SYCE2: variants seen among roughly 807,000 people sequenced by gnomAD.
The protein encoded by SYCE2 is synaptonemal complex central element protein 2, also known as central element synaptonemal complex 1.
SYCE2 carries 3 observed loss-of-function variants against 27.9 expected under a neutral mutation model. The ratio of observed to expected loss-of-function variants is 0.11; its 90% CI spans 0.05 to 0.28. The LOEUF (loss-of-function observed/expected upper bound fraction) is 0.28, where lower values mean the gene tolerates loss of function less well. Ranked by LOEUF, SYCE2 falls within the 10% of genes least tolerant of loss-of-function variation. The probability of loss-of-function intolerance (pLI) is 1.00; values close to 1 mark genes in which losing one functional copy is unlikely to be tolerated. For missense variants in SYCE2, 207 were observed against 263.5 expected (o/e 0.79, Z 1.48); for synonymous variants, 85 against 100.7 (o/e 0.84, Z 0.93).
chr19:12,918,476 T>C, intron 1 of SYCE2, 139 bp from the exon 2 acceptor site: 1 of 737,426 alleles, frequency 1.4e-6, no homozygotes, highest in Non-Finnish European at 2.3e-6. Context: ...CGGGCAGGGC[T>C]GGGGCAGGTG....
chr19:12,910,966 C>T (rs1026018034), intron 2 of SYCE2, among the ~76,000 whole-genome samples: 1 of 151,898 alleles, frequency 6.6e-6, no homozygotes, highest in Admixed American at 6.6e-5. Flanking sequence ...CGTGAGCCAC[C>T]GCACCCGGCC....
intron 2 of SYCE2, among the ~76,000 whole-genome samples, chr19:12,909,806 TC>T (rs1371986313): frequency 2.6e-5 from 4 of 152,048 alleles, no homozygotes; most frequent in Admixed American, 1.3e-4. Flanking sequence ...CCTCAGGTGA[TC>T]CGCCCTCCTC....
At position 12,900,204 on chromosome 19, in the gene SYCE2, C is replaced by G. The variant is rs557289830; in HGVS notation, c.496-84G>C. The G allele has an allele frequency of 8.2e-5, 122 of 1,486,346 alleles. No homozygotes were observed. In the Admixed American group the frequency reaches 1.4e-3, roughly 17 times the overall value. 92.1% of individuals were successfully genotyped at this position (1,486,346 alleles called of 1,614,324 possible). On this transcript the variant is annotated intron_variant, in intron 4 of 5. Transcript: ENST00000293695. ...GGATGATTTCTGAGTGGCAGGGGTG[C>G]AAGGGACTTTGTCCTTTCTGTCACC...
intron 2 of SYCE2, among the ~76,000 whole-genome samples, chr19:12,915,269 C>T (rs755516281): frequency 6.6e-6 from 1 of 152,112 alleles, no homozygotes; most frequent in Non-Finnish European, 1.5e-5. Flanking sequence ...GAATGGTTGT[C>T]CAGCTCTGAA....
At chr19:12,899,602 C>A in intron 5 of SYCE2, 1 of 1,613,468 alleles carries the variant, frequency 6.2e-7, no homozygotes. Flanking sequence ...CTGGCTGGAC[C>A]GTAGGAGCGC....
At chr19:12,913,747 G>T (rs1971086429) in intron 2 of SYCE2, among the ~76,000 whole-genome samples, 1 of 152,172 alleles carries the variant, frequency 6.6e-6, no homozygotes, top group Admixed American at 6.6e-5. Flanking sequence ...ATTTGCAGCG[G>T]TCTGTGTCTC....
intron 2 of SYCE2, among the ~76,000 whole-genome samples, 200 bp downstream of exon 2, chr19:12,918,022 T>C (rs1049364729): frequency 1.3e-5 from 2 of 151,922 alleles, no homozygotes; most frequent in Non-Finnish European, 1.5e-5. Flanking sequence ...TTTCGGAGGC[T>C]GAGGTGGGAG....
chr19:12,906,669 G>A lies in SYCE2; in HGVS notation c.132-2003C>T, dbSNP rs552249688. On this transcript the variant is annotated intron_variant, in intron 2 of 5. Coordinates refer to ENST00000293695, the MANE Select transcript of SYCE2 (RefSeq NM_001105578.2). Reference sequence around the variant, plus strand: ...CAAGCCTGTAATCCCAGTACTTTGGGAGGCCGAGGTGGGTGGATCACAAGG... The same window carrying A: ...CAAGCCTGTAATCCCAGTACTTTGGAAGGCCGAGGTGGGTGGATCACAAGG... 1.8e-3 allele frequency among the ~76,000 whole-genome samples: 268 copies of A among 152,294 alleles called. 1 individual carries two copies. Among genetic ancestry groups the A allele is most frequent in the Non-Finnish European group, 2.7e-3 (183 of 68,032 alleles).
intron 2 of SYCE2, among the ~76,000 whole-genome samples, chr19:12,917,933 A>T (rs1188734133): frequency 6.6e-6 from 1 of 152,096 alleles, no homozygotes; most frequent in East Asian, 1.9e-4. Flanking sequence ...TGTTGGGATT[A>T]CAGGTGTGAA....
At chr19:12,908,342 T>A (rs974211623) in intron 2 of SYCE2, among the ~76,000 whole-genome samples, 1 of 150,328 alleles carries the variant, frequency 6.7e-6, no homozygotes, top group Non-Finnish European at 1.5e-5. Context: ...TCTTTTCTTT[T>A]GAGACAGAGT....
rs937726715 is a variant in SYCE2 at position 12,898,916 on chromosome 19, C to T, written c.*425G>A. On this transcript the variant is annotated 3_prime_UTR_variant, in exon 6 of 6. Coordinates refer to ENST00000293695, the MANE Select transcript of SYCE2 (RefSeq NM_001105578.2). ...ACACCAGGGCATGGGGTGTGGGATT[C>T]TCTGGGAGAGGCGGCTTCAGATGGG... is the stretch of plus-strand genomic sequence containing the variant. The T allele has an allele frequency of 2.1e-5, 5 of 232,830 alleles. No individual in the cohort carries two copies. The highest frequency in any genetic ancestry group is 3.4e-5 in the Non-Finnish European group (4 of 116,602). 14.4% of individuals were successfully genotyped at this position (232,830 alleles called of 1,614,324 possible).
chr19:12,918,473 G>A (rs990560799), intron 1 of SYCE2, 136 bp from the exon 2 acceptor site: 1 of 750,892 alleles, frequency 1.3e-6, no homozygotes. Context: ...AGACGGGCAG[G>A]GCTGGGGCAG....
intron 2 of SYCE2, among the ~76,000 whole-genome samples, chr19:12,916,826 GCTGGTCTCAAACTC>G (rs1204101963): frequency 6.6e-6 from 1 of 151,774 alleles, no homozygotes; most frequent in Non-Finnish European, 1.5e-5. Flanking sequence ...TGTTGCCCAG[GCTGGTCTCAAACTC>G]CTGGGCTCAA....
intron 3 of SYCE2, among the ~76,000 whole-genome samples, chr19:12,903,900 C>T (rs773053700): frequency 1.3e-5 from 2 of 152,148 alleles, no homozygotes; most frequent in African/African-American, 2.4e-5. Flanking sequence ...GCCTGGTCCC[C>T]CCATTATATA....
intron 2 of SYCE2, among the ~76,000 whole-genome samples, chr19:12,911,615 CTTTT>C (rs71168633): frequency 5.8e-5 from 6 of 103,746 alleles, no homozygotes; most frequent in East Asian, 3.1e-4. Flanking sequence ...TAATTTTTGC[CTTTT>C]TTTTTTTTTT....
intron 2 of SYCE2, among the ~76,000 whole-genome samples, chr19:12,917,067 T>C (rs1042053735): frequency 7.0e-6 from 1 of 142,802 alleles, no homozygotes; most frequent in Non-Finnish European, 1.5e-5. Flanking sequence ...TATATATACT[T>C]TTTTTTTTTT....
intron 2 of SYCE2, among the ~76,000 whole-genome samples, chr19:12,908,541 G>A (rs1022660430): frequency 6.6e-6 from 1 of 151,916 alleles, no homozygotes; most frequent in Admixed American, 6.6e-5. Flanking sequence ...AGCCAGGATG[G>A]TTTCCATCTC....
chr19:12,903,948 C>T (rs939227435), intron 3 of SYCE2, among the ~76,000 whole-genome samples: 9 of 152,306 alleles, frequency 5.9e-5, no homozygotes, highest in Non-Finnish European at 1.3e-4. Context: ...TCATGTAGGA[C>T]CTGAACATCA....
At chr19:12,912,591 G>A (rs1442314551) in intron 2 of SYCE2, among the ~76,000 whole-genome samples, 1 of 152,106 alleles carries the variant, frequency 6.6e-6, no homozygotes, top group Non-Finnish European at 1.5e-5. Context: ...TCACCTTGTT[G>A]TCTCAGCCTC....
Sources: allele counts gnomAD v4.1 joint callset (sites outside exome capture counted in the v4.1 genomes callset), GRCh38; gene constraint gnomAD v4.1.1; transcripts MANE v1.5; gene names NCBI Gene and HGNC (gene_info 2026-07-23, HGNC 2026-07-21).